Variants in TMPO observed in about 807,000 individuals in gnomAD.
TMPO encodes the protein LEM domain containing 4.
In TMPO, 22 loss-of-function variants were observed where a neutral mutation model predicts 45.4. The observed-to-expected ratio is 0.48, with a 90% confidence interval of 0.35 to 0.69. The LOEUF (loss-of-function observed/expected upper bound fraction) is 0.69. Among genes scored for constraint, TMPO ranks in the 30% least tolerant of loss-of-function variants. TMPO has a pLI of 0.01. For missense variants in TMPO, 512 were observed against 548.8 expected (o/e 0.93, Z 0.67); for synonymous variants, 241 against 204.1 (o/e 1.18, Z -1.54).
chr12:98,527,676 C>T, intron 1 of TMPO: 1 of 550,262 alleles, frequency 1.8e-6, no homozygotes, highest in Non-Finnish European at 3.2e-6. Context: ...CTTTAAGTTA[C>T]TTGCTTGGCT....
chr12:98,544,660 A>G (rs1878115680), intron 6 of TMPO, 123 bp downstream of exon 6: 1 of 840,158 alleles, frequency 1.2e-6, no homozygotes, highest in Non-Finnish European at 1.9e-6. Context: ...TAACAATTTT[A>G]AACTGATTTT....
chr12:98,542,768 G>GA (rs1315751616), intron 4 of TMPO, among the ~76,000 whole-genome samples: 1 of 152,198 alleles, frequency 6.6e-6, no homozygotes, highest in Non-Finnish European at 1.5e-5. Context: ...TGAGGCAGGA[G>GA]AATCACTTGA....
intron 8 of TMPO, among the ~76,000 whole-genome samples, chr12:98,547,067 G>A (rs1051880898): frequency 4.1e-5 from 6 of 147,394 alleles, no homozygotes; most frequent in African/African-American, 1.5e-4. Context: ...TCTAATAAAG[G>A]ATGCATCGAA....
intron 7 of TMPO, 85 bp downstream of exon 7, chr12:98,545,146 T>TC: frequency 9.5e-7 from 1 of 1,054,874 alleles, no homozygotes. Context: ...TTTTTTTTTT[T>TC]TGGAGTGGGA....
chr12:98,524,432 C>T (rs533813252), intron 1 of TMPO, among the ~76,000 whole-genome samples: 5 of 152,108 alleles, frequency 3.3e-5, no homozygotes, highest in Admixed American at 6.5e-5. Flanking sequence ...ATTAGCTGGG[C>T]GTGGTGGCAT....
In TMPO at chr12:98,515,620, G is replaced by A. The variant is rs1258922529; in HGVS notation, c.-248G>A. The A allele has an allele frequency of 6.0e-6, 4 of 668,942 alleles. No individual in the cohort carries two copies. Among genetic ancestry groups the A allele is most frequent in the Non-Finnish European group, 9.9e-6 (4 of 403,090 alleles). The allele number at this position is 668,942 out of a possible 1,614,324, so 41.4% of individuals were successfully genotyped here. A position where few individuals can be genotyped will look rare whatever the true frequency, so the allele number is the denominator to read the frequency against. On this transcript the variant is annotated 5_prime_UTR_variant, in exon 1 of 9. In the 5' UTR this introduces an upstream ATG that the reference lacks. Transcript: ENST00000556029. ...AGGCTGCTCGCCTCCTGCCTGTAGT[G>A]TGTGGGCTGGGGTTGGTGCGAGCTT...
intron 1 of TMPO, among the ~76,000 whole-genome samples, chr12:98,520,196 T>G (rs1036347561): frequency 6.6e-6 from 1 of 151,642 alleles, no homozygotes; most frequent in East Asian, 1.9e-4. Flanking sequence ...CTGACCTCAG[T>G]TGATCCACCC....
intron 4 of TMPO, among the ~76,000 whole-genome samples, chr12:98,543,978 TC>T (rs978605990): frequency 1.3e-5 from 2 of 152,196 alleles, no homozygotes; most frequent in African/African-American, 4.8e-5. Flanking sequence ...GTGCTTTTTT[TC>T]CCATAATGTT....
intron 2 of TMPO, among the ~76,000 whole-genome samples, 197 bp downstream of exon 2, chr12:98,528,209 A>T (rs1592939594): frequency 6.7e-6 from 1 of 148,644 alleles, no homozygotes; most frequent in South Asian, 2.1e-4. Flanking sequence ...CTCCAAAATT[A>T]CCTCTATTGT....
At chr12:98,534,297 A>T in intron 3 of TMPO, 1 of 1,613,252 alleles carries the variant, frequency 6.2e-7, no homozygotes, top group Admixed American at 1.7e-5. Flanking sequence ...CATTATTTGG[A>T]GGAGAAGTAT....
chr12:98,545,129 G>GTTTTTTTTTTTT (rs79128220), intron 7 of TMPO, 68 bp downstream of exon 7: 6 of 650,968 alleles, frequency 9.2e-6, no homozygotes, highest in Non-Finnish European at 9.7e-6. Context: ...ATATTTGTTT[G>GTTTTTTTTTTTT]TTTTTTTTTT....
At chr12:98,532,843 AAAGTG>A (rs1328605326) in intron 3 of TMPO, 1 of 1,614,214 alleles carries the variant, frequency 6.2e-7, no homozygotes, top group African/African-American at 1.3e-5. Context: ...AGAACACAAG[AAAGTG>A]AAGTCCACTA....
chr12:98,543,959 A>G (rs1455901449), intron 4 of TMPO, among the ~76,000 whole-genome samples: 2 of 152,222 alleles, frequency 1.3e-5, no homozygotes, highest in Non-Finnish European at 2.9e-5. Flanking sequence ...GGAACTGGTG[A>G]TAGTTGATGT....
intron 1 of TMPO, among the ~76,000 whole-genome samples, chr12:98,520,792 T>G (rs1876287141): frequency 6.6e-6 from 1 of 151,818 alleles, no homozygotes; most frequent in African/African-American, 2.4e-5. Context: ...CAGGATGGTC[T>G]CTATCTCCTG....
rs141387097 is a variant in TMPO at position 98,527,956 on chromosome 12, A to G, written c.350A>G (p.Asn117Ser). 211 of 1,613,952 alleles carry G rather than the reference A, an allele frequency of 1.3e-4. No homozygotes were observed. The African/African-American group carries it at 2.6e-3, about 20-fold the overall frequency. The part of the protein sequence containing the change: ...KDDLDVTELT[N>S]EDLLDQLVKY... Reference sequence around the variant, plus strand: ...GATCTAGATGTAACAGAGCTCACTAATGAAGATCTTTTGGATCAGCTTGTG... The same window carrying G: ...GATCTAGATGTAACAGAGCTCACTAGTGAAGATCTTTTGGATCAGCTTGTG... Residue 117 changes from asparagine (N) to serine (S), a missense_variant, in exon 2 of 9, where the codon AAT becomes AGT. Asn to Ser is a conservative substitution (Grantham distance 46). This residue lies in a region of TMPO where 299 missense variants were observed against 296.7 expected (regional missense o/e 1.01). Coordinates refer to ENST00000556029, the MANE Select transcript of TMPO (RefSeq NM_001032283.3).
chr12:98,522,274 C>T (rs936374812), intron 1 of TMPO, among the ~76,000 whole-genome samples: 5 of 152,138 alleles, frequency 3.3e-5, no homozygotes, highest in Non-Finnish European at 7.3e-5. Flanking sequence ...TTAGGCCTCC[C>T]AAAGCGTTGG....
At position 98,544,884 on chromosome 12, in the gene TMPO, C is replaced by A. The variant is rs1414395007; in HGVS notation, c.880-67C>A. On this transcript the variant is annotated intron_variant, in intron 6 of 8. Transcript: ENST00000556029. The stretch of plus-strand genomic sequence containing the variant: ...AATATTACAGAGATAAAATATCTTT[C>A]TTTTCTTTTTAAGTGTCTGTGTTAT... 36 of 1,250,564 alleles carry A rather than the reference C, an allele frequency of 2.9e-5. No individual in the cohort carries two copies. The South Asian group carries it at 3.2e-4, about 11-fold the overall frequency. 77.5% of individuals were successfully genotyped at this position (1,250,564 alleles called of 1,614,324 possible).
At chr12:98,528,049 C>A (rs766426241) in intron 2 of TMPO, 37 bp downstream of exon 2, 1 of 1,612,626 alleles carries the variant, frequency 6.2e-7, no homozygotes, top group South Asian at 1.1e-5. Flanking sequence ...TATCTTTTCT[C>A]TGAAGCAGGA....
At chr12:98,520,272 C>CCCTTCCTT (rs372564327) in intron 1 of TMPO, among the ~76,000 whole-genome samples, 17,267 of 107,198 alleles carry the variant, frequency 0.16, 1,419 homozygotes, top group Non-Finnish European at 0.2. Context: ...CCATATTTTT[C>CCCTTCCTT]CCTTCCTTCC....
Sources: gnomAD v4.1 joint callset for allele counts (sites outside exome capture counted in the v4.1 genomes callset) on GRCh38, gnomAD v4.1.1 for gene constraint, gnomAD v4.1.1 regional missense constraint, MANE v1.5 for transcripts, NCBI Gene and HGNC (gene_info 2026-07-23, HGNC 2026-07-21) for gene names.